PGLYRP3: variants seen among roughly 807,000 people sequenced by gnomAD.
The protein encoded by PGLYRP3 is peptidoglycan recognition protein 3.
A neutral mutation model predicts 36.0 loss-of-function variants in PGLYRP3; 39 were observed. That is an observed-to-expected ratio of 1.08 (90% CI 0.84 to 1.41). PGLYRP3 has a LOEUF of 1.41. Ranked by LOEUF, PGLYRP3 falls within the 40% of genes most tolerant of loss-of-function variation. The pLI, the probability that PGLYRP3 is intolerant of heterozygous loss-of-function variation, is 0.00. For missense variants in PGLYRP3, 407 were observed against 427.9 expected, an observed-to-expected ratio of 0.95 and a Z score of 0.43; for synonymous variants, 204 against 172.8, an observed-to-expected ratio of 1.18 and a Z score of -1.42.
At chr1:153,302,278 A>T in intron 6 of PGLYRP3, 131 bp downstream of exon 6, 3 of 999,154 alleles carry the variant, frequency 3.0e-6, no homozygotes, top group Non-Finnish European at 4.5e-6. Context: ...TCTTGCAAAA[A>T]TAAAATATGA....
chr1:153,305,680 A>G (rs1052644690), intron 3 of PGLYRP3, among the ~76,000 whole-genome samples: 3 of 152,154 alleles, frequency 2.0e-5, no homozygotes, highest in Non-Finnish European at 4.4e-5. Context: ...TTCATCTTTT[A>G]ATAGAACATG....
At position 153,307,126 on chromosome 1, in the gene PGLYRP3, A is replaced by C. The variant is rs1430909870; in HGVS notation, c.197T>G (p.Met66Arg). 1 of 1,613,542 alleles carries C rather than the reference A, an allele frequency of 6.2e-7. No homozygotes were observed. The highest frequency in any genetic ancestry group is 1.1e-5 in the South Asian group (1 of 90,876). ...QCQQQSVCSQMLRGLQSHSVY... is the reference protein window; with the variant it reads ...QCQQQSVCSQRLRGLQSHSVY... Reference sequence around the variant, plus strand: ...GGAATGGGACTGCAACCCCCGCAGCATCTGGCTGCAAACGCTCTGCTGCTG... The same window carrying C: ...GGAATGGGACTGCAACCCCCGCAGCCTCTGGCTGCAAACGCTCTGCTGCTG... The change falls in exon 3 of 8, where the codon ATG (methionine) becomes AGG (arginine). Residue 66 changes from methionine (M) to arginine (R), a missense_variant. Met to Arg is a moderately conservative substitution (Grantham distance 91, BLOSUM62 -1). Coordinates refer to ENST00000683862, the MANE Select transcript of PGLYRP3 (RefSeq NM_052891.3).
chr1:153,297,871 C>T lies in PGLYRP3; in HGVS notation c.*85G>A. ...GATGGGCTGGCAGGGGAGGGGGACA[C>T]AAGGTGCTGAGCCACCTTGGCTGGT... On this transcript the variant is annotated 3_prime_UTR_variant, in exon 8 of 8. Coordinates refer to ENST00000683862, the MANE Select transcript of PGLYRP3 (RefSeq NM_052891.3). 1 of 1,466,402 alleles carries T rather than the reference C, an allele frequency of 6.8e-7. No individual in the cohort carries two copies. Among genetic ancestry groups the T allele is most frequent in the Non-Finnish European group, 9.3e-7 (1 of 1,070,668 alleles). The allele number at this position is 1,466,402 out of a possible 1,614,324, so 90.8% of individuals were successfully genotyped here. A position where few individuals can be genotyped will look rare whatever the true frequency, so the allele number is the denominator to read the frequency against.
intron 6 of PGLYRP3, among the ~76,000 whole-genome samples, chr1:153,300,337 C>A (rs529872221): frequency 7.9e-5 from 12 of 152,340 alleles, no homozygotes; most frequent in South Asian, 2.1e-4. Context: ...AATCACCCCC[C>A]ACAAAGCCTT....
At chr1:153,309,740 C>G (rs1390654379) in intron 2 of PGLYRP3, among the ~76,000 whole-genome samples, 1 of 152,126 alleles carries the variant, frequency 6.6e-6, no homozygotes, top group East Asian at 1.9e-4. Flanking sequence ...CAAATGAAAC[C>G]CACAGGACTC....
rs528008950 is a variant in PGLYRP3, at chr1:153,307,355, A to G, written c.56-88T>C. 27 of 1,301,242 alleles carry G rather than the reference A, an allele frequency of 2.1e-5. No individual in the cohort carries two copies. In the African/African-American group the frequency reaches 3.7e-4, roughly 18 times the overall value. The allele number at this position is 1,301,242 out of a possible 1,614,324, so 80.6% of individuals were successfully genotyped here. A position where few individuals can be genotyped will look rare whatever the true frequency, so the allele number is the denominator to read the frequency against. On this transcript the variant is annotated intron_variant, in intron 2 of 7. Transcript: ENST00000683862. Reference sequence around the variant, plus strand: ...CCATGTGCCCTGACCTCTCATGCTCAGGCCCGACCTGCCCCATGCATGGGA... The same window carrying G: ...CCATGTGCCCTGACCTCTCATGCTCGGGCCCGACCTGCCCCATGCATGGGA...
chr1:153,309,410 C>A (rs896016015), intron 2 of PGLYRP3, among the ~76,000 whole-genome samples: 1 of 152,200 alleles, frequency 6.6e-6, no homozygotes, highest in Admixed American at 6.5e-5. Flanking sequence ...GAATCTCTGG[C>A]CCCGAAGCCC....
intron 1 of PGLYRP3, among the ~76,000 whole-genome samples, chr1:153,312,234 A>G (rs1013561720): frequency 2.0e-5 from 3 of 152,202 alleles, no homozygotes; most frequent in African/African-American, 7.2e-5. Flanking sequence ...CCACACCATG[A>G]ACTGCAAACA....
At position 153,297,581 on chromosome 1, in the gene PGLYRP3, G is replaced by GAAAGAAAGAAGGA. The variant is rs918244220; in HGVS notation, c.*374_*375insTCCTTCTTTCTTT. Among the ~76,000 whole-genome samples the GAAAGAAAGAAGGA allele has an allele frequency of 4.1e-5, 2 of 48,436 alleles. No individual in the cohort carries two copies. The highest frequency in any genetic ancestry group is 1.4e-4 in the African/African-American group (2 of 14,518). The allele number at this position is 48,436 out of a possible 152,430, so 31.8% of individuals were successfully genotyped here. ...AAAGAAAAAGAAAGAAAGAAAGAAAGAAGAAAGAAAGAAAGAAAGAAAGAG... is the reference window on the plus strand; with the variant it reads ...AAAGAAAAAGAAAGAAAGAAAGAAAGAAAGAAAGAAGGAAAGAAAGAAAGAAAGAAAGAAAGAG... On this transcript the variant is annotated 3_prime_UTR_variant, in exon 8 of 8. Transcript: ENST00000683862.
chr1:153,297,796 T>C lies in PGLYRP3; in HGVS notation c.*160A>G. On this transcript the variant is annotated 3_prime_UTR_variant, in exon 8 of 8. Transcript: ENST00000683862. Reference sequence around the variant, plus strand: ...ATGCCCAGCTGTGAGGTTTGGGGGCTCCTGGAGGATGTTGGCAGGAAAGGA... The same window carrying C: ...ATGCCCAGCTGTGAGGTTTGGGGGCCCCTGGAGGATGTTGGCAGGAAAGGA... 2.6e-6 allele frequency: 2 copies of C among 776,260 alleles called. No individual in the cohort carries two copies. The highest frequency in any genetic ancestry group is 2.9e-5 in the Admixed American group (1 of 33,926). The allele number at this position is 776,260 out of a possible 1,614,324, so 48.1% of individuals were successfully genotyped here. A position where few individuals can be genotyped will look rare whatever the true frequency, so the allele number is the denominator to read the frequency against.
intron 5 of PGLYRP3, among the ~76,000 whole-genome samples, chr1:153,303,459 ACAT>A (rs1322476332): frequency 6.6e-6 from 1 of 152,238 alleles, no homozygotes; most frequent in African/African-American, 2.4e-5. Context: ...ATGCCGTCTA[ACAT>A]CATATACATT....
chr1:153,306,907 C>G (rs1227132452), intron 3 of PGLYRP3, among the ~76,000 whole-genome samples, 159 bp downstream of exon 3: 9 of 152,186 alleles, frequency 5.9e-5, no homozygotes, highest in Non-Finnish European at 1.3e-4. Flanking sequence ...TTACAATCCC[C>G]GAAGGATTCG....
In PGLYRP3 at chr1:153,297,355, G is replaced by T. The variant is rs1249550743; in HGVS notation, c.*601C>A. On this transcript the variant is annotated 3_prime_UTR_variant, in exon 8 of 8. Transcript: ENST00000683862. ...GTCCATGTGTGAGCAGAGAGGGGGG[G>T]TGGGCACACTGACCTAGGTCATGGG... Among the ~76,000 whole-genome samples the T allele has an allele frequency of 4.0e-5, 6 of 150,558 alleles. No individual in the cohort carries two copies. Among genetic ancestry groups the T allele is most frequent in the Admixed American group, 4.0e-4 (6 of 15,090 alleles).
intron 7 of PGLYRP3, 77 bp downstream of exon 7, chr1:153,299,036 T>C: frequency 8.0e-7 from 1 of 1,252,890 alleles, no homozygotes; most frequent in Non-Finnish European, 1.2e-6. Flanking sequence ...CAGGGCTGCC[T>C]TTCCCGCCAT....
Position 153,298,006 on chromosome 1 carries a change from C to G in PGLYRP3, c.976G>C (p.Gly326Arg). Reference sequence around the variant, plus strand: ...CTGATGATGTTATACAAAGCCTGCCCAGGGGACAGGATGTTGACCACGTCA... The same window carrying G: ...CTGATGATGTTATACAAAGCCTGCCGAGGGGACAGGATGTTGACCACGTCA... ...HSDVVNILSP[G>R]QALYNIISTW... The change falls in exon 8 of 8, where the codon GGG becomes CGG. Residue 326 changes from glycine (G) to arginine (R), a missense_variant. Physicochemically the swap from Gly to Arg is moderately radical, Grantham distance 125. Coordinates refer to ENST00000683862, the MANE Select transcript of PGLYRP3 (RefSeq NM_052891.3). The G allele has an allele frequency of 6.2e-7, 1 of 1,614,032 alleles. No individual in the cohort carries two copies. Among genetic ancestry groups the G allele is most frequent in the Non-Finnish European group, 8.5e-7 (1 of 1,179,994 alleles).
intron 6 of PGLYRP3, among the ~76,000 whole-genome samples, chr1:153,299,866 T>C (rs966577222): frequency 1.2e-3 from 186 of 152,330 alleles, no homozygotes; most frequent in Non-Finnish European, 3.4e-4. Flanking sequence ...TTGTCAATTG[T>C]ATCTCCTACA....
Position 153,302,595 on chromosome 1 carries a change from A to C in PGLYRP3, c.542T>G (p.Ile181Ser). Residue 181 changes from isoleucine to serine, a missense_variant, in exon 6 of 8, where the codon ATC becomes AGC. Ile to Ser is a moderately radical substitution (Grantham distance 142). Coordinates refer to ENST00000683862, the MANE Select transcript of PGLYRP3 (RefSeq NM_052891.3). The stretch of plus-strand genomic sequence containing the variant: ...GGCTTCCCAAGCAGATCGTTTGATG[A>C]TGTTGGGGCAAACTGTGGTAAAATG... ...PVMPRKVCPNIIKRSAWEARE... is the reference protein window; with the variant it reads ...PVMPRKVCPNSIKRSAWEARE... 6.2e-7 allele frequency: 1 copy of C among 1,614,064 alleles called. No individual in the cohort carries two copies. Among genetic ancestry groups the C allele is most frequent in the Non-Finnish European group, 8.5e-7 (1 of 1,180,012 alleles).
At chr1:153,312,031 C>G (rs1361990700) in intron 1 of PGLYRP3, among the ~76,000 whole-genome samples, 1 of 152,220 alleles carries the variant, frequency 6.6e-6, no homozygotes, top group African/African-American at 2.4e-5. Context: ...TAGGAGCTGG[C>G]CTCCTGCAAA....
chr1:153,300,810 G>T (rs899127765), intron 6 of PGLYRP3, among the ~76,000 whole-genome samples: 2 of 152,048 alleles, frequency 1.3e-5, no homozygotes, highest in African/African-American at 2.4e-5. Flanking sequence ...GCTTCCCCTA[G>T]CCTGAACCTC....
Sources: allele counts gnomAD v4.1 joint callset (sites outside exome capture counted in the v4.1 genomes callset), GRCh38; gene constraint gnomAD v4.1.1; transcripts MANE v1.5; gene names NCBI Gene and HGNC (gene_info 2026-07-23, HGNC 2026-07-21).